Variants in OR5M1 observed in about 807,000 individuals in gnomAD.
OR5M1 encodes the protein olfactory receptor family 5 subfamily M member 1, also known as olfactory receptor 5M1.
For synonymous variants in OR5M1, 165 were observed against 144.2 expected, an observed-to-expected ratio of 1.14 and a Z score of -1.04; for missense variants, 367 against 379.5, an observed-to-expected ratio of 0.97 and a Z score of 0.27.
Position 56,613,402 on chromosome 11 carries a change from A to T in OR5M1, c.101T>A (p.Ile34Asn). The change falls in exon 2 of 2, where the codon ATC becomes AAC. Residue 34 changes from isoleucine (I) to asparagine (N), a missense_variant. Coordinates refer to ENST00000641076, the MANE Select transcript of OR5M1 (RefSeq NM_001004740.2). ...GTTGCCTGCCAGTGTGATTAGGTAG[A>T]TCGCAAGGAATACCCCAAACAGGAT... The part of the protein sequence containing the change: ...EKILFGVFLA[I>N]YLITLAGNLC... 6.2e-7 allele frequency: 1 copy of T among 1,613,672 alleles called. No individual in the cohort carries two copies. The highest frequency in any genetic ancestry group is 8.5e-7 in the Non-Finnish European group (1 of 1,179,650).
Position 56,612,733 on chromosome 11 carries a change from C to A in OR5M1, c.770G>T (p.Cys257Phe). 1 of 1,613,722 alleles carries A rather than the reference C, an allele frequency of 6.2e-7. No homozygotes were observed. The highest frequency in any genetic ancestry group is 8.5e-7 in the Non-Finnish European group (1 of 1,179,774). Reference sequence around the variant, plus strand: ...CTCTGATGGAGGCCTTACGTACATGCAGAAGAGGGTTCCATAAAACAAAGT... The same window carrying A: ...CTCTGATGGAGGCCTTACGTACATGAAGAAGAGGGTTCCATAAAACAAAGT... Reference protein sequence around the residue: ...IVTLFYGTLFCMYVRPPSEKS... With the variant: ...IVTLFYGTLFFMYVRPPSEKS... Residue 257 changes from cysteine (C) to phenylalanine (F), a missense_variant, in exon 2 of 2, where the codon TGC becomes TTC. By Grantham distance (205) the Cys-to-Phe change is radical (BLOSUM62 -2). Coordinates refer to ENST00000641076, the MANE Select transcript of OR5M1 (RefSeq NM_001004740.2).
chr11:56,614,804 C>T (rs1361214705), intron 1 of OR5M1, 53 bp downstream of exon 1: 1 of 151,850 alleles, frequency 6.6e-6, no homozygotes, highest in Non-Finnish European at 1.5e-5. Flanking sequence ...CACACACACA[C>T]ACACACACAC....
Position 56,610,647 on chromosome 11 carries a change from T to C in OR5M1, c.*1908A>G, listed in dbSNP as rs1853665350. 1 of 152,114 alleles carries C rather than the reference T, an allele frequency of 6.6e-6. No individual in the cohort carries two copies. Among genetic ancestry groups the C allele is most frequent in the African/African-American group, 2.4e-5 (1 of 41,446 alleles). The allele number at this position is 152,114 out of a possible 1,614,324, so 9.4% of individuals were successfully genotyped here. A position where few individuals can be genotyped will look rare whatever the true frequency, so the allele number is the denominator to read the frequency against. ...ATTTATGAAGATTAAAATAAAGTGT[T>C]CCTAAAATCAGCACTACACTGTGAC... On this transcript the variant is annotated 3_prime_UTR_variant, in exon 2 of 2. Transcript: ENST00000641076.
rs1853689295 is a variant in OR5M1 at position 56,612,363 on chromosome 11, C to T, written c.*192G>A. Reference sequence around the variant, plus strand: ...TTCATAGAATTTCTGACAAATAAAACATTTTAAATTTCTCAACATTAAGGC... The same window carrying T: ...TTCATAGAATTTCTGACAAATAAAATATTTTAAATTTCTCAACATTAAGGC... On this transcript the variant is annotated 3_prime_UTR_variant, in exon 2 of 2. Coordinates refer to ENST00000641076, the MANE Select transcript of OR5M1 (RefSeq NM_001004740.2). The T allele has an allele frequency of 2.6e-6, 1 of 384,904 alleles. No individual in the cohort carries two copies. Among genetic ancestry groups the T allele is most frequent in the Non-Finnish European group, 4.6e-6 (1 of 215,790 alleles). 23.8% of individuals were successfully genotyped at this position (384,904 alleles called of 1,614,324 possible). A position where few individuals can be genotyped will look rare whatever the true frequency, so the allele number is the denominator to read the frequency against.
In OR5M1 at chr11:56,612,659, TC is replaced by T. The variant is rs1162391257; in HGVS notation, c.843del (p.Ser282AlafsTer4). ...SKITAVFYTF[L>X]SPMLNPLIYS... is the part of the protein sequence containing the mutation. ...TAGATCAATGGGTTCAGCATTGGGC[TC>T]AAAAAAGTATAAAAGACTGCAGTTA... On this transcript the variant is annotated frameshift_variant, in exon 2 of 2. Transcript: ENST00000641076. LOFTEE classifies it low-confidence loss of function (END_TRUNC). 4.3e-6 allele frequency: 7 copies of T among 1,613,608 alleles called. No individual in the cohort carries two copies. The highest frequency in any genetic ancestry group is 4.0e-5 in the African/African-American group (3 of 74,900).
chr11:56,610,318 T>G lies in OR5M1; in HGVS notation c.*2237A>C, dbSNP rs1453291673. ...TGCCTATAAATTATGTTAACCGGAA[T>G]TTTCAAGGGAAATTCTCATTAGCTA... On this transcript the variant is annotated 3_prime_UTR_variant, in exon 2 of 2. Transcript: ENST00000641076. 1.3e-5 allele frequency: 2 copies of G among 152,098 alleles called. No individual in the cohort carries two copies. The highest frequency in any genetic ancestry group is 6.6e-5 in the Admixed American group (1 of 15,244). The allele number at this position is 152,098 out of a possible 1,614,324, so 9.4% of individuals were successfully genotyped here. A position where few individuals can be genotyped will look rare whatever the true frequency, so the allele number is the denominator to read the frequency against.
chr11:56,610,703 C>T lies in OR5M1; in HGVS notation c.*1852G>A, dbSNP rs762198380. On this transcript the variant is annotated 3_prime_UTR_variant, in exon 2 of 2. Transcript: ENST00000641076. ...CTCTTATAATTACTTTTATTCATGT[C>T]GATTTATGTTCTATCCTATCTCCAA... The T allele has an allele frequency of 1.3e-5, 2 of 152,054 alleles. No homozygotes were observed. The highest frequency in any genetic ancestry group is 6.6e-5 in the Admixed American group (1 of 15,238). 9.4% of individuals were successfully genotyped at this position (152,054 alleles called of 1,614,324 possible). A position where few individuals can be genotyped will look rare whatever the true frequency, so the allele number is the denominator to read the frequency against.
Position 56,612,742 on chromosome 11 carries a change from G to C in OR5M1, c.761C>G (p.Thr254Ser), listed in dbSNP as rs146542839. The C allele has an allele frequency of 3.0e-3, 4,840 of 1,613,712 alleles. 130 individuals are homozygous for C. In the African/African-American group the frequency reaches 0.058, roughly 19 times the overall value. ...HLTIVTLFYG[T>S]LFCMYVRPPS... ...AGGCCTTACGTACATGCAGAAGAGGGTTCCATAAAACAAAGTGACTATTGT... is the reference window on the plus strand; with the variant it reads ...AGGCCTTACGTACATGCAGAAGAGGCTTCCATAAAACAAAGTGACTATTGT... Residue 254 changes from threonine to serine, a missense_variant, in exon 2 of 2, where the codon ACC becomes AGC. By Grantham distance (58) the Thr-to-Ser change is moderately conservative (BLOSUM62 1). Coordinates refer to ENST00000641076, the MANE Select transcript of OR5M1 (RefSeq NM_001004740.2).
In OR5M1 at chr11:56,611,361, A is replaced by G. The variant is rs200987412; in HGVS notation, c.*1194T>C. ...AAATGAGACTCAAGAATATGCCCCC[A>G]TTTTACAAAAACTGCAAGTCATCTG... On this transcript the variant is annotated 3_prime_UTR_variant, in exon 2 of 2. Coordinates refer to ENST00000641076, the MANE Select transcript of OR5M1 (RefSeq NM_001004740.2). 6 of 152,284 alleles carry G rather than the reference A, an allele frequency of 3.9e-5. No individual in the cohort carries two copies. The East Asian group carries it at 1.2e-3, about 29-fold the overall frequency. 9.4% of individuals were successfully genotyped at this position (152,284 alleles called of 1,614,324 possible). A position where few individuals can be genotyped will look rare whatever the true frequency, so the allele number is the denominator to read the frequency against.
rs199669272 is a variant in OR5M1 at position 56,613,009 on chromosome 11, T to G, written c.494A>C (p.His165Pro). The stretch of plus-strand genomic sequence containing the variant: ...TTCAAGGGAGCCACAGAAGGATAAG[T>G]GAAAGGTTAGCAGTGACTGAGAGAA... ...SGFSQSLLTF[H>P]LSFCGSLEIN... Residue 165 changes from histidine (H) to proline (P), a missense_variant, in exon 2 of 2, where the codon CAC (histidine) becomes CCC (proline). Coordinates refer to ENST00000641076, the MANE Select transcript of OR5M1 (RefSeq NM_001004740.2). 39 of 1,613,510 alleles carry G rather than the reference T, an allele frequency of 2.4e-5. No individual in the cohort carries two copies. The highest frequency in any genetic ancestry group is 3.2e-5 in the Non-Finnish European group (38 of 1,179,800).
Position 56,613,516 on chromosome 11 carries a change from G to A in OR5M1, c.-14C>T. 1 of 1,598,652 alleles carries A rather than the reference G, an allele frequency of 6.3e-7. No homozygotes were observed. Among genetic ancestry groups the A allele is most frequent in the Non-Finnish European group, 8.6e-7 (1 of 1,167,676 alleles). Reference sequence around the variant, plus strand: ...TGGGGAGAACATCTTCTTATCTCTTGAAACTGAAAGTGACAAAGAATGTGA... The same window carrying A: ...TGGGGAGAACATCTTCTTATCTCTTAAAACTGAAAGTGACAAAGAATGTGA... On this transcript the variant is annotated 5_prime_UTR_variant, in exon 2 of 2. Coordinates refer to ENST00000641076, the MANE Select transcript of OR5M1 (RefSeq NM_001004740.2).
rs184791963 is a variant in OR5M1, at chr11:56,612,668, T to C, written c.835A>G (p.Thr279Ala). 2.8e-5 allele frequency: 45 copies of C among 1,613,794 alleles called. No homozygotes were observed. Among genetic ancestry groups the C allele is most frequent in the Admixed American group, 2.5e-4 (15 of 59,988 alleles). ...EESKITAVFYTFLSPMLNPLI... is the reference protein window; with the variant it reads ...EESKITAVFYAFLSPMLNPLI... ...GGGTTCAGCATTGGGCTCAAAAAAG[T>C]ATAAAAGACTGCAGTTATTTTGGAC... Residue 279 changes from threonine (T) to alanine (A), a missense_variant, in exon 2 of 2, where the codon ACT (threonine) becomes GCT (alanine). Coordinates refer to ENST00000641076, the MANE Select transcript of OR5M1 (RefSeq NM_001004740.2).
intron 1 of OR5M1, among the ~76,000 whole-genome samples, chr11:56,614,554 C>T (rs184945570): frequency 6.6e-6 from 1 of 152,106 alleles, no homozygotes; most frequent in African/African-American, 2.4e-5. Context: ...CCAACTCAAG[C>T]CACTCTCTCT....
intron 1 of OR5M1, among the ~76,000 whole-genome samples, chr11:56,613,895 C>T (rs138353557): frequency 3.9e-5 from 6 of 152,188 alleles, no homozygotes; most frequent in Admixed American, 2.6e-4. Flanking sequence ...AATACAAAAA[C>T]CCTAGGTTAT....
In OR5M1 at chr11:56,612,448, A is replaced by G; in HGVS notation, c.*107T>C. The stretch of plus-strand genomic sequence containing the variant: ...ATTTGGATAAGAAAGTAAAGTGGTT[A>G]CTGACAGTCCATGATGTTAAATAAA... On this transcript the variant is annotated 3_prime_UTR_variant, in exon 2 of 2. Coordinates refer to ENST00000641076, the MANE Select transcript of OR5M1 (RefSeq NM_001004740.2). 2 of 718,306 alleles carry G rather than the reference A, an allele frequency of 2.8e-6. No homozygotes were observed. Among genetic ancestry groups the G allele is most frequent in the Non-Finnish European group, 4.6e-6 (2 of 437,538 alleles). 44.5% of individuals were successfully genotyped at this position (718,306 alleles called of 1,614,324 possible).
In OR5M1 at chr11:56,611,165, G is replaced by A. The variant is rs1026601972; in HGVS notation, c.*1390C>T. Reference sequence around the variant, plus strand: ...TTCCCAGCTTTTCTGCTTCATTGTTGTCTCTGCAGATGACCTTCCTCTGTT... The same window carrying A: ...TTCCCAGCTTTTCTGCTTCATTGTTATCTCTGCAGATGACCTTCCTCTGTT... On this transcript the variant is annotated 3_prime_UTR_variant, in exon 2 of 2. Coordinates refer to ENST00000641076, the MANE Select transcript of OR5M1 (RefSeq NM_001004740.2). 2 of 152,084 alleles carry A rather than the reference G, an allele frequency of 1.3e-5. No individual in the cohort carries two copies. The highest frequency in any genetic ancestry group is 2.9e-5 in the Non-Finnish European group (2 of 68,014). The allele number at this position is 152,084 out of a possible 1,614,324, so 9.4% of individuals were successfully genotyped here.
chr11:56,614,139 A>T (rs1224062735), intron 1 of OR5M1, among the ~76,000 whole-genome samples: 1 of 152,126 alleles, frequency 6.6e-6, no homozygotes, highest in Non-Finnish European at 1.5e-5. Context: ...CCACTTTGTA[A>T]TGTCACTGCC....
rs1206719286 is a variant in OR5M1, at chr11:56,612,434, A to G, written c.*121T>C. On this transcript the variant is annotated 3_prime_UTR_variant, in exon 2 of 2. Transcript: ENST00000641076. ...TCTTCAAGGTTTTCATTTGGATAAGAAAGTAAAGTGGTTACTGACAGTCCA... is the reference window on the plus strand; with the variant it reads ...TCTTCAAGGTTTTCATTTGGATAAGGAAGTAAAGTGGTTACTGACAGTCCA... 5.0e-6 allele frequency: 3 copies of G among 598,756 alleles called. No individual in the cohort carries two copies. The highest frequency in any genetic ancestry group is 8.5e-6 in the Non-Finnish European group (3 of 353,594). The allele number at this position is 598,756 out of a possible 1,614,324, so 37.1% of individuals were successfully genotyped here.
rs955790924 is a variant in OR5M1, at chr11:56,611,726, C to T, written c.*829G>A. The T allele has an allele frequency of 1.3e-5, 2 of 152,002 alleles. No individual in the cohort carries two copies. The highest frequency in any genetic ancestry group is 4.8e-5 in the African/African-American group (2 of 41,384). The allele number at this position is 152,002 out of a possible 1,614,324, so 9.4% of individuals were successfully genotyped here. On this transcript the variant is annotated 3_prime_UTR_variant, in exon 2 of 2. Coordinates refer to ENST00000641076, the MANE Select transcript of OR5M1 (RefSeq NM_001004740.2). ...AAGCAAAATAAACACTGAGTATTTC[C>T]TCCAGAAACATATATACACCCCTAT...
Sources: allele counts gnomAD v4.1 joint callset (sites outside exome capture counted in the v4.1 genomes callset), GRCh38; gene constraint gnomAD v4.1.1; transcripts MANE v1.5; gene names NCBI Gene and HGNC (gene_info 2026-07-23, HGNC 2026-07-21).